Variants in OPA3 observed in about 807,000 individuals in gnomAD.
OPA3 encodes the protein optic atrophy 3 protein.
In OPA3, 6 loss-of-function variants were observed where a neutral mutation model predicts 4.0. The observed-to-expected ratio is 1.51, with a 90% CI of 0.83 to 2.99. The LOEUF (loss-of-function observed/expected upper bound fraction) is 2.99. Among genes scored for constraint, OPA3 ranks in the 30% most tolerant of loss-of-function variants. The pLI is 0.00. For synonymous variants in OPA3, 105 were observed against 117.1 expected, an observed-to-expected ratio of 0.90 and a Z score of 0.67; for missense variants, 235 against 256.2, an observed-to-expected ratio of 0.92 and a Z score of 0.56.
At chr19:45,535,870 T>C (rs533668243) in intron 1 of OPA3, among the ~76,000 whole-genome samples, 42 of 150,636 alleles carry the variant, frequency 2.8e-4, no homozygotes, top group African/African-American at 1.0e-3. Context: ...GCTCAAGAGA[T>C]TCTCTCACCT....
chr19:45,531,970 T>C (rs919049130), intron 1 of OPA3, among the ~76,000 whole-genome samples: 4 of 152,246 alleles, frequency 2.6e-5, no homozygotes, highest in African/African-American at 4.8e-5. Flanking sequence ...GGTAATTTTT[T>C]AGTTCTTGGA....
chr19:45,584,445 C>T lies in OPA3; in HGVS notation c.142+178G>A, dbSNP rs1402278802. On this transcript the variant is annotated intron_variant, in intron 1 of 1. Transcript: ENST00000263275. Reference sequence around the variant, plus strand: ...CCTTGACCCGCCCCTTACGCCCCGCCCCGCCCTCACTACTGGGCCACCCGT... The same window carrying T: ...CCTTGACCCGCCCCTTACGCCCCGCTCCGCCCTCACTACTGGGCCACCCGT... 6 of 985,300 alleles carry T rather than the reference C, an allele frequency of 6.1e-6. No homozygotes were observed. In the South Asian group the frequency reaches 2.8e-4, roughly 46 times the overall value. The allele number at this position is 985,300 out of a possible 1,614,324, so 61.0% of individuals were successfully genotyped here.
chr19:45,568,137 T>C (rs1969610328), intron 1 of OPA3, among the ~76,000 whole-genome samples: 2 of 152,158 alleles, frequency 1.3e-5, no homozygotes, highest in African/African-American at 4.8e-5. Flanking sequence ...ATGCTGGTAT[T>C]ACGGGTGTTG....
At chr19:45,567,132 G>A (rs1449759674) in intron 1 of OPA3, among the ~76,000 whole-genome samples, 2 of 152,046 alleles carry the variant, frequency 1.3e-5, no homozygotes, top group Non-Finnish European at 2.9e-5. Context: ...CTGGGCCCAT[G>A]AGTTCAAGAC....
At chr19:45,539,243 CACTG>C (rs1196386688) in intron 1 of OPA3, among the ~76,000 whole-genome samples, 1 of 152,122 alleles carries the variant, frequency 6.6e-6, no homozygotes, top group Non-Finnish European at 1.5e-5. Flanking sequence ...TCTCGCATGT[CACTG>C]GCGGAAATGT....
exon 2 of OPA3, chr19:45,529,321 G>T: frequency 6.2e-7 from 1 of 1,614,196 alleles, no homozygotes; most frequent in Non-Finnish European, 8.5e-7. Context: ...GCAGCTGCAG[G>T]CGGTGATGAA....
Position 45,528,974 on chromosome 19 carries a change from G to A in OPA3, c.*82C>T. ...GGTGTCAGCTGGGCCGGTCCAGGATGGGACAGTGCGGAGAATAGGCCAAGA... is the reference window on the plus strand; with the variant it reads ...GGTGTCAGCTGGGCCGGTCCAGGATAGGACAGTGCGGAGAATAGGCCAAGA... On this transcript the variant is annotated 3_prime_UTR_variant, in exon 2 of 2. Coordinates refer to the OPA3 transcript ENST00000323060. 2.0e-6 allele frequency: 3 copies of A among 1,481,844 alleles called. No individual in the cohort carries two copies. In the South Asian group the frequency reaches 4.0e-5, roughly 20 times the overall value. The allele number at this position is 1,481,844 out of a possible 1,614,324, so 91.8% of individuals were successfully genotyped here. A position where few individuals can be genotyped will look rare whatever the true frequency, so the allele number is the denominator to read the frequency against.
rs549973906 is a variant in OPA3, at chr19:45,556,390, T to C, written c.143-2479A>G. On this transcript the variant is annotated intron_variant, in intron 1 of 1. Transcript: ENST00000263275. ...ATTTATTTAACAGATGGGCTCTCAC[T>C]CTGTGGTCCAGGATGGAAGGCAGCG... Among the ~76,000 whole-genome samples the C allele has an allele frequency of 1.4e-4, 21 of 152,164 alleles. No homozygotes were observed. The South Asian group carries it at 2.9e-3, about 21-fold the overall frequency.
chr19:45,529,969 A>C (rs1284451735), intron 1 of OPA3, among the ~76,000 whole-genome samples: 1 of 152,158 alleles, frequency 6.6e-6, no homozygotes, highest in Non-Finnish European at 1.5e-5. Flanking sequence ...CCTGGGCTCA[A>C]GCGACCCTCC....
At chr19:45,555,088 C>G (rs1167438186) in intron 1 of OPA3, among the ~76,000 whole-genome samples, 1 of 152,150 alleles carries the variant, frequency 6.6e-6, no homozygotes, top group Admixed American at 6.6e-5. Context: ...CCATGTCCAT[C>G]CAAAAGATGA....
At chr19:45,584,473 GCCCCTCTATCAGAAACC>G (rs1228099750) in intron 1 of OPA3, 133 bp downstream of exon 1, 1 of 1,438,808 alleles carries the variant, frequency 7.0e-7, no homozygotes, top group East Asian at 2.8e-5. Context: ...CCACCCGTAC[GCCCCTCTATCAGAAACC>G]CCCCACTATT....
Position 45,584,304 on chromosome 19 carries a change from T to C in OPA3, c.142+319A>G, listed in dbSNP as rs1410177337. 8.1e-6 allele frequency: 8 copies of C among 981,976 alleles called. No homozygotes were observed. In the Admixed American group the frequency reaches 3.7e-4, roughly 45 times the overall value. 60.8% of individuals were successfully genotyped at this position (981,976 alleles called of 1,614,324 possible). ...CTCAGCCCCTCCCCTAGCTCCTCTA[T>C]CCTGGAAAGCCCCGTCCAAATTTCT... is the stretch of plus-strand genomic sequence containing the variant. On this transcript the variant is annotated intron_variant, in intron 1 of 1. Coordinates refer to ENST00000263275, the MANE Select transcript of OPA3 (RefSeq NM_025136.4).
chr19:45,551,872 T>C lies in OPA3; in HGVS notation c.*1642A>G, dbSNP rs144894771. On this transcript the variant is annotated 3_prime_UTR_variant, in exon 2 of 2. Transcript: ENST00000263275. ...GGATGGAAGATGAAGGATGTGACAA[T>C]TGAATCCATGGGCTTGGATTCGACT... is the stretch of plus-strand genomic sequence containing the variant. 9.4e-4 allele frequency: 930 copies of C among 985,604 alleles called. 8 individuals are homozygous for C. In the African/African-American group the frequency reaches 0.015, roughly 16 times the overall value. 61.1% of individuals were successfully genotyped at this position (985,604 alleles called of 1,614,324 possible).
chr19:45,553,799 G>C lies in OPA3; in HGVS notation c.255C>G (p.Gly85=), dbSNP rs951025429. 6.2e-7 allele frequency: 1 copy of C among 1,613,216 alleles called. No homozygotes were observed. ...CGCCCACGATGAAGATGGTGGCTTC[G>C]CCCAGCAGCTCTGCGCCCAGCTCAG... ...AAAELGAELL[G]EATIFIVGGG... is the part of the protein sequence containing the mutation. Residue 85 remains glycine, a synonymous_variant, in exon 2 of 2, where the codon GGC becomes GGG. Coordinates refer to ENST00000263275, the MANE Select transcript of OPA3 (RefSeq NM_025136.4).
intron 1 of OPA3, among the ~76,000 whole-genome samples, chr19:45,575,024 A>T (rs935737770): frequency 4.6e-5 from 7 of 152,192 alleles, no homozygotes. Flanking sequence ...CCTGCCAAGC[A>T]GCAACCAGCA....
chr19:45,539,219 T>C (rs1969155238), intron 1 of OPA3, among the ~76,000 whole-genome samples: 1 of 152,116 alleles, frequency 6.6e-6, no homozygotes, highest in African/African-American at 2.4e-5. Context: ...ATATCAGTTG[T>C]AGGGTAACAA....
intron 1 of OPA3, among the ~76,000 whole-genome samples, chr19:45,560,663 C>T (rs888929708): frequency 2.0e-5 from 3 of 152,140 alleles, no homozygotes; most frequent in Non-Finnish European, 4.4e-5. Flanking sequence ...GCTGTCATTT[C>T]TCAGGGCACC....
chr19:45,559,026 G>A (rs1368210862), intron 1 of OPA3, among the ~76,000 whole-genome samples: 1 of 152,030 alleles, frequency 6.6e-6, no homozygotes, highest in Non-Finnish European at 1.5e-5. Flanking sequence ...TGGGATTACA[G>A]GCGCCCACCA....
Position 45,550,206 on chromosome 19 carries a change from G to A in OPA3, c.*3308C>T, listed in dbSNP as rs1167834863. 1.0e-6 allele frequency: 1 copy of A among 985,108 alleles called. No homozygotes were observed. Among genetic ancestry groups the A allele is most frequent in the African/African-American group, 1.7e-5 (1 of 57,230 alleles). 61.0% of individuals were successfully genotyped at this position (985,108 alleles called of 1,614,324 possible). A position where few individuals can be genotyped will look rare whatever the true frequency, so the allele number is the denominator to read the frequency against. Reference sequence around the variant, plus strand: ...AGAAAAGAAGAAAAGAAAAGTTTCAGAACCTGTTTCTTGGCTTTCTATCTG... The same window carrying A: ...AGAAAAGAAGAAAAGAAAAGTTTCAAAACCTGTTTCTTGGCTTTCTATCTG... On this transcript the variant is annotated 3_prime_UTR_variant, in exon 2 of 2. Coordinates refer to ENST00000263275, the MANE Select transcript of OPA3 (RefSeq NM_025136.4).
Sources: allele counts gnomAD v4.1 joint callset (sites outside exome capture counted in the v4.1 genomes callset), GRCh38; gene constraint gnomAD v4.1.1; transcripts MANE v1.5; gene names NCBI Gene and HGNC (gene_info 2026-07-23, HGNC 2026-07-21).